Variants in FCHO2 observed in about 807,000 individuals in gnomAD.
The protein encoded by FCHO2 is FCH and mu domain containing endocytic adaptor 2.
In FCHO2, 43 loss-of-function variants were observed where a neutral mutation model predicts 114.1. The ratio of observed to expected loss-of-function variants is 0.38; its 90% CI spans 0.30 to 0.49. The LOEUF (loss-of-function observed/expected upper bound fraction) is 0.49, where lower values mean the gene tolerates loss of function less well. Ranked by LOEUF, FCHO2 falls within the 20% of genes least tolerant of loss-of-function variation. The probability of loss-of-function intolerance (pLI) is 0.97; values close to 1 mark genes in which losing one functional copy is unlikely to be tolerated. For synonymous variants in FCHO2, 293 were observed against 315.2 expected (o/e 0.93, Z 0.75); for missense variants, 807 against 950.4 (o/e 0.85, Z 1.98).
intron 2 of FCHO2, among the ~76,000 whole-genome samples, chr5:72,973,076 T>A (rs984479349): frequency 3.3e-5 from 5 of 152,146 alleles, no homozygotes; most frequent in Non-Finnish European, 5.9e-5. Flanking sequence ...TGGATAAGCT[T>A]TTTGATGTGT....
At chr5:73,040,406 T>G (rs549766199) in intron 10 of FCHO2, among the ~76,000 whole-genome samples, 2 of 152,310 alleles carry the variant, frequency 1.3e-5, no homozygotes, top group African/African-American at 4.8e-5. Context: ...CTCAGCCTGC[T>G]TTGTGTGCAT....
chr5:72,960,748 T>G (rs1213186041), intron 1 of FCHO2, among the ~76,000 whole-genome samples: 1 of 152,152 alleles, frequency 6.6e-6, no homozygotes, highest in East Asian at 1.9e-4. Context: ...ATGCATTTCA[T>G]AGGTAATTAT....
intron 5 of FCHO2, among the ~76,000 whole-genome samples, chr5:72,991,222 A>G (rs1269144960): frequency 2.6e-5 from 4 of 152,092 alleles, no homozygotes; most frequent in Non-Finnish European, 5.9e-5. Context: ...ATGACACCAC[A>G]TCCGGCTAAT....
chr5:73,047,089 T>C (rs1299305937), intron 11 of FCHO2, among the ~76,000 whole-genome samples: 1 of 152,226 alleles, frequency 6.6e-6, no homozygotes, highest in East Asian at 1.9e-4. Flanking sequence ...ACTTACAAAA[T>C]TGCAAGAATG....
rs1282609353 is a variant in FCHO2, at chr5:73,054,148, A to G, written c.1174-12A>G. 3 of 1,504,354 alleles carry G rather than the reference A, an allele frequency of 2.0e-6. No individual in the cohort carries two copies. Among genetic ancestry groups the G allele is most frequent in the East Asian group, 4.9e-5 (2 of 40,908 alleles). 93.2% of individuals were successfully genotyped at this position (1,504,354 alleles called of 1,614,324 possible). A position where few individuals can be genotyped will look rare whatever the true frequency, so the allele number is the denominator to read the frequency against. On this transcript the variant is annotated splice_polypyrimidine_tract_variant and intron_variant, in intron 13 of 25. Transcript: ENST00000430046. Reference sequence around the variant, plus strand: ...TCTAACCTAATTTTCTTTTTCTTCCATGTACTACTAGAGACACAGTCCAGT... The same window carrying G: ...TCTAACCTAATTTTCTTTTTCTTCCGTGTACTACTAGAGACACAGTCCAGT...
chr5:73,077,190 A>T, intron 20 of FCHO2, 148 bp from the exon 21 acceptor site: 1 of 507,256 alleles, frequency 2.0e-6, no homozygotes, highest in Non-Finnish European at 3.2e-6. Context: ...TGAAAAAATA[A>T]TCTATAGTTA....
In FCHO2 at chr5:72,976,003, G is replaced by A. The variant is rs138596127; in HGVS notation, c.125+7414G>A. On this transcript the variant is annotated intron_variant, in intron 2 of 25. Transcript: ENST00000430046. ...AATTAAAATTTAAATACCAAGGAAC[G>A]CAGTTACTTGATTATATGGAAAGAA... Among the ~76,000 whole-genome samples, 358 of 152,198 alleles carry A rather than the reference G, an allele frequency of 2.4e-3. 1 individual carries two copies. Among genetic ancestry groups the A allele is most frequent in the Non-Finnish European group, 4.1e-3 (276 of 68,018 alleles).
At chr5:73,015,294 GCT>G (rs1239659943) in intron 6 of FCHO2, among the ~76,000 whole-genome samples, 1 of 149,826 alleles carries the variant, frequency 6.7e-6, no homozygotes, top group Non-Finnish European at 1.5e-5. Flanking sequence ...ACGGAGTCTC[GCT>G]CTGTCGCCCA....
At position 72,989,300 on chromosome 5, in the gene FCHO2, G is replaced by T. The variant is rs1753701661; in HGVS notation, c.126-127G>T. The T allele has an allele frequency of 1.7e-5, 11 of 665,968 alleles. No individual in the cohort carries two copies. The East Asian group carries it at 3.0e-4, about 18-fold the overall frequency. 41.3% of individuals were successfully genotyped at this position (665,968 alleles called of 1,614,324 possible). ...GCCGGAAATTCATGACTACATATAT[G>T]TACTTATTTTTAACATGTAATTTTT... On this transcript the variant is annotated intron_variant, in intron 2 of 25. Coordinates refer to ENST00000430046, the MANE Select transcript of FCHO2 (RefSeq NM_138782.3).
intron 2 of FCHO2, among the ~76,000 whole-genome samples, chr5:72,973,223 A>C (rs1343670911): frequency 6.6e-6 from 1 of 152,226 alleles, no homozygotes; most frequent in African/African-American, 2.4e-5. Flanking sequence ...TCATAAAATG[A>C]GTTAGGGAGG....
At position 73,054,171 on chromosome 5, in the gene FCHO2, A is replaced by G; in HGVS notation, c.1185A>G (p.Pro395=). 1 of 1,523,504 alleles carries G rather than the reference A, an allele frequency of 6.6e-7. No homozygotes were observed. The highest frequency in any genetic ancestry group is 8.8e-7 in the Non-Finnish European group (1 of 1,131,442). The allele number at this position is 1,523,504 out of a possible 1,614,324, so 94.4% of individuals were successfully genotyped here. ...CCATGTACTACTAGAGACACAGTCC[A>G]GTAAGTACAAGATTTTATATTTTTG... ...TLSPAISRHS[P]VQMNRNLSNE... is the part of the protein sequence containing the mutation. Residue 395 remains proline (P), a splice_region_variant and synonymous_variant, in exon 14 of 26, where the codon CCA becomes CCG. Transcript: ENST00000430046.
At chr5:73,076,956 C>G (rs1482874503) in intron 20 of FCHO2, among the ~76,000 whole-genome samples, 1 of 152,138 alleles carries the variant, frequency 6.6e-6, no homozygotes, top group Non-Finnish European at 1.5e-5. Context: ...GCTACCATCA[C>G]CATCACCAGG....
chr5:73,034,640 A>T lies in FCHO2; in HGVS notation c.797-17A>T, dbSNP rs1223107570. The stretch of plus-strand genomic sequence containing the variant: ...AGTTTTTTTCTACTAGAAGTTTTTC[A>T]ATTTCTTTTTTTCCAGGCCTCATTG... On this transcript the variant is annotated splice_polypyrimidine_tract_variant and intron_variant, in intron 8 of 25. Coordinates refer to ENST00000430046, the MANE Select transcript of FCHO2 (RefSeq NM_138782.3). 1.3e-6 allele frequency: 2 copies of T among 1,576,114 alleles called. No individual in the cohort carries two copies. The highest frequency in any genetic ancestry group is 4.5e-5 in the East Asian group (2 of 44,180).
At chr5:73,008,980 A>G (rs1754857536) in intron 6 of FCHO2, among the ~76,000 whole-genome samples, 1 of 152,254 alleles carries the variant, frequency 6.6e-6, no homozygotes, top group African/African-American at 2.4e-5. Context: ...TTGTCAGTAC[A>G]CAAAGCCATG....
intron 8 of FCHO2, among the ~76,000 whole-genome samples, chr5:73,022,677 C>T (rs1343451138): frequency 1.3e-5 from 2 of 152,138 alleles, no homozygotes; most frequent in Admixed American, 6.6e-5. Context: ...CAGCTTAGTT[C>T]AATAGAGACT....
chr5:73,050,352 CT>C (rs953498070), intron 11 of FCHO2, among the ~76,000 whole-genome samples: 7 of 147,582 alleles, frequency 4.7e-5, no homozygotes, highest in Non-Finnish European at 1.1e-4. Context: ...ACAGAGCTCG[CT>C]CTTTTGCCAG....
intron 8 of FCHO2, among the ~76,000 whole-genome samples, chr5:73,020,243 C>A (rs922299071): frequency 6.6e-6 from 1 of 152,090 alleles, no homozygotes; most frequent in Non-Finnish European, 1.5e-5. Context: ...ACTAAGCAAA[C>A]AGTATGTTGG....
At chr5:72,958,707 T>G (rs1048541754) in intron 1 of FCHO2, among the ~76,000 whole-genome samples, 29 of 152,324 alleles carry the variant, frequency 1.9e-4, no homozygotes, top group African/African-American at 4.1e-4. Context: ...AATTTTAGGA[T>G]TAGCCTGTCA....
intron 11 of FCHO2, among the ~76,000 whole-genome samples, chr5:73,046,455 TA>T (rs1488938723): frequency 6.6e-6 from 1 of 152,186 alleles, no homozygotes; most frequent in Non-Finnish European, 1.5e-5. Context: ...AACAGCTTGG[TA>T]TTATTAAATT....
Sources: gnomAD v4.1 joint callset for allele counts (sites outside exome capture counted in the v4.1 genomes callset) on GRCh38, gnomAD v4.1.1 for gene constraint, MANE v1.5 for transcripts, NCBI Gene and HGNC (gene_info 2026-07-23, HGNC 2026-07-21) for gene names.